MGAT5: variants seen among roughly 807,000 people sequenced by gnomAD.
The protein encoded by MGAT5 is alpha-1,6-mannosylglycoprotein 6-beta-N-acetylglucosaminyltransferase.
Under a neutral mutation model 94.3 loss-of-function variants are expected in MGAT5, and 30 were observed. The ratio of observed to expected loss-of-function variants is 0.32; its 90% CI spans 0.24 to 0.43. MGAT5 has a LOEUF of 0.43. Among genes scored for constraint, MGAT5 ranks in the 20% least tolerant of loss-of-function variants. MGAT5 has a pLI of 1.00. For synonymous variants in MGAT5, 310 were observed against 322.9 expected (o/e 0.96, Z 0.43); for missense variants, 691 against 905.5 (o/e 0.76, Z 3.04).
intron 12 of MGAT5, among the ~76,000 whole-genome samples, chr2:134,413,383 T>G (rs1345994344): frequency 6.6e-6 from 1 of 152,172 alleles, no homozygotes; most frequent in Non-Finnish European, 1.5e-5. Context: ...CTTTGGAGAA[T>G]AAAAAGTGGG....
intron 2 of MGAT5, among the ~76,000 whole-genome samples, chr2:134,295,577 G>A (rs547901899): frequency 1.3e-5 from 2 of 152,116 alleles, no homozygotes; most frequent in South Asian, 2.1e-4. Context: ...ATTCCATTTC[G>A]ACTTGTCACC....
At chr2:134,319,208 C>A (rs1227595510) in intron 4 of MGAT5, among the ~76,000 whole-genome samples, 1 of 152,156 alleles carries the variant, frequency 6.6e-6, no homozygotes, top group Non-Finnish European at 1.5e-5. Context: ...CATATGGTAA[C>A]TGTATTGTTA....
chr2:134,154,575 G>A (rs1248207219), intron 1 of MGAT5, among the ~76,000 whole-genome samples: 1 of 152,156 alleles, frequency 6.6e-6, no homozygotes, highest in African/African-American at 2.4e-5. Context: ...CTCAGGCTGT[G>A]TAAGCTGGTG....
chr2:134,320,920 T>C (rs529500251), intron 4 of MGAT5, among the ~76,000 whole-genome samples: 8 of 152,042 alleles, frequency 5.3e-5, no homozygotes, highest in Non-Finnish European at 1.0e-4. Flanking sequence ...GCTCCATGAT[T>C]TTTTGGGGGA....
chr2:134,187,323 C>G lies in MGAT5; in HGVS notation c.-142-66939C>G, dbSNP rs577699005. ...GGGCAAGAATAGAAGCAGATATCAG[C>G]TAGGAAGGTATGACAATCTTCCAGT... On this transcript the variant is annotated intron_variant, in intron 1 of 16. Transcript: ENST00000409645. 3.9e-5 allele frequency among the ~76,000 whole-genome samples: 6 copies of G among 152,224 alleles called. No homozygotes were observed. In the East Asian group the frequency reaches 9.7e-4, roughly 25 times the overall value.
intron 11 of MGAT5, among the ~76,000 whole-genome samples, chr2:134,408,876 C>T (rs993512024): frequency 6.6e-6 from 1 of 152,084 alleles, no homozygotes; most frequent in Admixed American, 6.5e-5. Context: ...ATAATGATTC[C>T]CAGTCATTGT....
chr2:134,251,889 C>G (rs183341077), upstream of MGAT5, among the ~76,000 whole-genome samples: 1 of 152,318 alleles, frequency 6.6e-6, no homozygotes, highest in East Asian at 1.9e-4. Flanking sequence ...CCACTCCCTC[C>G]TCATCCCCCT....
intron 10 of MGAT5, among the ~76,000 whole-genome samples, chr2:134,399,459 C>A (rs186565810): frequency 2.6e-5 from 4 of 152,318 alleles, no homozygotes; most frequent in African/African-American, 7.2e-5. Context: ...TGCATCTCCT[C>A]CCCTCAAATG....
rs902528171 is a variant in MGAT5, at chr2:134,448,963, C to T, written c.*116C>T. ...ACTCTGGCAAGAGCCTGAACTTTTT[C>T]GTAGAAGGTTCTGAATTGGCATTGC... On this transcript the variant is annotated 3_prime_UTR_variant, in exon 16 of 16. Transcript: ENST00000281923. 52 of 1,088,234 alleles carry T rather than the reference C, an allele frequency of 4.8e-5. No individual in the cohort carries two copies. Among genetic ancestry groups the T allele is most frequent in the Middle Eastern group, 5.9e-4 (2 of 3,382 alleles). The allele number at this position is 1,088,234 out of a possible 1,614,324, so 67.4% of individuals were successfully genotyped here.
At chr2:134,372,042 A>C (rs1284015427) in intron 10 of MGAT5, among the ~76,000 whole-genome samples, 1 of 151,968 alleles carries the variant, frequency 6.6e-6, no homozygotes, top group Non-Finnish European at 1.5e-5. Context: ...ATTTAGTTAG[A>C]ATTTCCAGGG....
chr2:134,259,138 A>G (rs1573634246), intron 1 of MGAT5, among the ~76,000 whole-genome samples: 1 of 152,166 alleles, frequency 6.6e-6, no homozygotes, highest in African/African-American at 2.4e-5. Flanking sequence ...TGGAGTGTGG[A>G]GGGCTTTTCT....
At chr2:134,261,165 C>G (rs3791266) in intron 1 of MGAT5, among the ~76,000 whole-genome samples, 10,770 of 152,232 alleles carry the variant, frequency 0.071, 510 homozygotes, top group East Asian at 0.15. Context: ...AGCACCACTA[C>G]TTCAAGTCTG....
intron 1 of MGAT5, among the ~76,000 whole-genome samples, chr2:134,159,226 G>GTGTGT (rs1181895846): frequency 1.1e-4 from 5 of 46,340 alleles, no homozygotes; most frequent in Non-Finnish European, 1.8e-4. Flanking sequence ...TGTGTGTGTG[G>GTGTGT]TCCCTGTATT....
At chr2:134,443,178 T>A (rs1394867908) in intron 15 of MGAT5, among the ~76,000 whole-genome samples, 1 of 79,396 alleles carries the variant, frequency 1.3e-5, no homozygotes, top group Non-Finnish European at 2.5e-5. Flanking sequence ...GTAAGCTATG[T>A]TTTTTTTTGT....
chr2:134,396,864 A>G (rs991963715), intron 10 of MGAT5, among the ~76,000 whole-genome samples: 3 of 152,238 alleles, frequency 2.0e-5, no homozygotes, highest in African/African-American at 7.2e-5. Flanking sequence ...TGGTTAAGGC[A>G]CAGAGGAGAC....
intron 2 of MGAT5, among the ~76,000 whole-genome samples, chr2:134,311,624 G>A (rs577524545): frequency 8.5e-5 from 13 of 152,168 alleles, no homozygotes; most frequent in African/African-American, 2.9e-4. Context: ...TCTTACACAT[G>A]GTACCACCTT....
intron 2 of MGAT5, among the ~76,000 whole-genome samples, chr2:134,314,255 A>G (rs372011660): frequency 4.9e-4 from 74 of 152,214 alleles, no homozygotes; most frequent in African/African-American, 1.8e-3. Flanking sequence ...TTATCTATTC[A>G]TACCCATCAC....
intron 1 of MGAT5, among the ~76,000 whole-genome samples, chr2:134,145,214 C>CTCTCTCTGTGTGTGTGTGTGTGTGTGTG (rs373377770): frequency 7.0e-6 from 1 of 143,762 alleles, no homozygotes; most frequent in African/African-American, 2.6e-5. Context: ...GTCTCTCTCT[C>CTCTCTCTGTGTGTGTGTGTGTGTGTGTG]TGTGTGTGTG....
chr2:134,314,393 C>T (rs954203568), intron 2 of MGAT5, among the ~76,000 whole-genome samples: 2 of 152,200 alleles, frequency 1.3e-5, no homozygotes, highest in African/African-American at 4.8e-5. Context: ...GGAGTCTCTG[C>T]TCAGTCTAGT....
Sources: gnomAD v4.1 joint callset for allele counts (sites outside exome capture counted in the v4.1 genomes callset) on GRCh38, gnomAD v4.1.1 for gene constraint, MANE v1.5 for transcripts, NCBI Gene and HGNC (gene_info 2026-07-23, HGNC 2026-07-21) for gene names.